The following LYPLAL1 variants were observed in gnomAD, a reference collection of about 807,000 sequenced individuals.
The protein encoded by LYPLAL1 is lysophospholipase-like protein 1.
In LYPLAL1, 23 loss-of-function variants were observed where a neutral mutation model predicts 19.7. The observed-to-expected ratio is 1.17, with a 90% confidence interval of 0.84 to 1.65. The LOEUF (loss-of-function observed/expected upper bound fraction) is 1.65, where lower values mean the gene tolerates loss of function less well. Ranked by LOEUF, LYPLAL1 falls within the 40% of genes most tolerant of loss-of-function variation. LYPLAL1 has a pLI of 0.00. For missense variants in LYPLAL1, 355 were observed against 279.4 expected (o/e 1.27, Z -1.93); for synonymous variants, 119 against 96.3 (o/e 1.24, Z -1.38).
At chr1:219,384,971 A>G in the LYPLAL1 span, among the ~76,000 whole-genome samples, 1 of 152,186 alleles carries the variant, frequency 6.6e-6, no homozygotes, top group Admixed American at 6.5e-5. Context: ...AACAGGTCCA[A>G]ATAAGACTCT....
At chr1:219,183,116 A>C (rs1656432256) in intron 2 of LYPLAL1, among the ~76,000 whole-genome samples, 1 of 152,000 alleles carries the variant, frequency 6.6e-6, no homozygotes, top group Non-Finnish European at 1.5e-5. Context: ...TTGTCTTTTT[A>C]ATTTTAGCCA....
the LYPLAL1 span, among the ~76,000 whole-genome samples, chr1:219,266,621 A>G: frequency 6.6e-6 from 1 of 152,196 alleles, no homozygotes; most frequent in African/African-American, 2.4e-5. Flanking sequence ...CACACTATAT[A>G]TAATTGTATG....
the LYPLAL1 span, among the ~76,000 whole-genome samples, chr1:219,404,561 T>C: frequency 1.3e-5 from 2 of 152,104 alleles, no homozygotes; most frequent in East Asian, 1.9e-4. Flanking sequence ...TGCAATGTGT[T>C]GAGCCCAAAT....
the LYPLAL1 span, among the ~76,000 whole-genome samples, chr1:219,436,328 A>G: frequency 2.6e-5 from 4 of 152,246 alleles, no homozygotes; most frequent in Non-Finnish European, 4.4e-5. Flanking sequence ...CATAAAATAA[A>G]TCACAAGTTA....
chr1:219,292,399 G>A, the LYPLAL1 span, among the ~76,000 whole-genome samples: 1 of 152,198 alleles, frequency 6.6e-6, no homozygotes, highest in Non-Finnish European at 1.5e-5. Context: ...GAATTGCTGA[G>A]TCCTGCCCAT....
the LYPLAL1 span, among the ~76,000 whole-genome samples, chr1:219,402,497 A>G: frequency 4.6e-5 from 7 of 152,178 alleles, no homozygotes; most frequent in African/African-American, 1.7e-4. Flanking sequence ...GGAACATTAC[A>G]AAGTTTCATA....
chr1:219,345,428 T>C, the LYPLAL1 span, among the ~76,000 whole-genome samples: 1 of 152,180 alleles, frequency 6.6e-6, no homozygotes, highest in African/African-American at 2.4e-5. Context: ...CTGCTGCTTG[T>C]GATGAATAGT....
At chr1:219,361,233 G>A in the LYPLAL1 span, among the ~76,000 whole-genome samples, 2 of 152,150 alleles carry the variant, frequency 1.3e-5, no homozygotes, top group African/African-American at 2.4e-5. Flanking sequence ...GGTGGGCTAT[G>A]TATGCCCTAT....
the LYPLAL1 span, among the ~76,000 whole-genome samples, chr1:219,321,835 A>T: frequency 1.3e-5 from 2 of 152,186 alleles, no homozygotes; most frequent in African/African-American, 4.8e-5. Flanking sequence ...ATGGGAAGTA[A>T]GAGTGACAGA....
chr1:219,221,531 C>T, the LYPLAL1 span, among the ~76,000 whole-genome samples: 43 of 152,208 alleles, frequency 2.8e-4, no homozygotes, highest in African/African-American at 1.0e-3. Context: ...GTTACAGTTC[C>T]CCTGGGGGTC....
chr1:219,427,024 C>T, the LYPLAL1 span, among the ~76,000 whole-genome samples: 1 of 152,166 alleles, frequency 6.6e-6, no homozygotes, highest in African/African-American at 2.4e-5. Flanking sequence ...ACCTCCTAGC[C>T]CCATATTATA....
At chr1:219,270,717 T>C in the LYPLAL1 span, 1 of 152,254 alleles carries the variant, frequency 6.6e-6, no homozygotes, top group Non-Finnish European at 1.5e-5. Context: ...TATCTATGTT[T>C]GCAGATAGAT....
chr1:219,419,580 C>CAGAGAGAGAGAG, the LYPLAL1 span, among the ~76,000 whole-genome samples: 1 of 120,134 alleles, frequency 8.3e-6, no homozygotes, highest in African/African-American at 3.3e-5. Flanking sequence ...CACACACACA[C>CAGAGAGAGAGAG]ACACACACAC....
chr1:219,246,778 GT>G, the LYPLAL1 span, among the ~76,000 whole-genome samples: 2 of 152,168 alleles, frequency 1.3e-5, no homozygotes, highest in Non-Finnish European at 2.9e-5. Flanking sequence ...TAGGGATGGA[GT>G]TTCACCATAT....
At chr1:219,297,301 T>C in the LYPLAL1 span, among the ~76,000 whole-genome samples, 1 of 152,200 alleles carries the variant, frequency 6.6e-6, no homozygotes. Context: ...TACATTTTGG[T>C]CCAACTTTTA....
chr1:219,299,977 T>C, the LYPLAL1 span, among the ~76,000 whole-genome samples: 10 of 152,186 alleles, frequency 6.6e-5, no homozygotes, highest in African/African-American at 2.2e-4. Context: ...TGTTATAGGC[T>C]TGCTGAAATA....
the LYPLAL1 span, among the ~76,000 whole-genome samples, chr1:219,267,885 A>ATTTAAT: frequency 7.2e-5 from 11 of 152,312 alleles, no homozygotes; most frequent in African/African-American, 2.6e-4. Context: ...TCATTTAATC[A>ATTTAAT]GAATTTTCTT....
the LYPLAL1 span, among the ~76,000 whole-genome samples, chr1:219,255,920 A>G: frequency 6.6e-6 from 1 of 151,862 alleles, no homozygotes; most frequent in East Asian, 1.9e-4. Flanking sequence ...TTAATTTTAA[A>G]GCCATTTTAC....
chr1:219,285,158 T>A, the LYPLAL1 span, among the ~76,000 whole-genome samples: 1 of 152,162 alleles, frequency 6.6e-6, no homozygotes. Context: ...CAGTTGTAGG[T>A]TTTCCTTAAG....
Sources: allele counts gnomAD v4.1 joint callset (sites outside exome capture counted in the v4.1 genomes callset), GRCh38; gene constraint gnomAD v4.1.1; transcripts MANE v1.5; gene names NCBI Gene and HGNC (gene_info 2026-07-23, HGNC 2026-07-21).